BDP1: variants seen among roughly 807,000 people sequenced by gnomAD.
BDP1 encodes the protein transcription factor TFIIIB component B'' homolog.
Under a neutral mutation model 266.6 loss-of-function variants are expected in BDP1, and 169 were observed. The ratio of observed to expected loss-of-function variants is 0.63; its 90% confidence interval spans 0.56 to 0.72. The LOEUF (loss-of-function observed/expected upper bound fraction) is 0.72. Ranked by LOEUF, BDP1 falls within the 30% of genes least tolerant of loss-of-function variation. The pLI, the probability that BDP1 is intolerant of heterozygous loss-of-function variation, is 0.00. For missense variants in BDP1, 3,015 were observed against 3,053.8 expected (o/e 0.99, Z 0.30); for synonymous variants, 1,090 against 1,022.4 (o/e 1.07, Z -1.26).
intron 8 of BDP1, among the ~76,000 whole-genome samples, chr5:71,485,024 A>C (rs1763178737): frequency 6.6e-6 from 1 of 152,238 alleles, no homozygotes; most frequent in African/African-American, 2.4e-5. Context: ...ATTCCATATT[A>C]GAGAAGTGGT....
At chr5:71,463,285 A>C (rs1328917637) in intron 3 of BDP1, among the ~76,000 whole-genome samples, 2 of 152,152 alleles carry the variant, frequency 1.3e-5, no homozygotes, top group African/African-American at 4.8e-5. Flanking sequence ...GGGGTTTCTG[A>C]GGCAGGTTTA....
downstream of BDP1, among the ~76,000 whole-genome samples, chr5:71,570,437 C>T (rs923876240): frequency 2.0e-5 from 3 of 152,152 alleles, no homozygotes; most frequent in Admixed American, 1.3e-4. Flanking sequence ...TTTATTTAGT[C>T]TGGAAACTGG....
Position 71,497,431 on chromosome 5 carries a change from G to A in BDP1, c.1956+5G>A, listed in dbSNP as rs1365503710. ...TCAAAAACTTCAGTTGAAAAGGTAT[G>A]GGGTAAGAGATTTCATGGAAATTAA... is the stretch of plus-strand genomic sequence containing the variant. On this transcript the variant is annotated splice_donor_5th_base_variant and intron_variant, in intron 13 of 38. Coordinates refer to ENST00000358731, the MANE Select transcript of BDP1 (RefSeq NM_018429.3). The A allele has an allele frequency of 1.9e-6, 3 of 1,577,424 alleles. No individual in the cohort carries two copies. Among genetic ancestry groups the A allele is most frequent in the Non-Finnish European group, 1.7e-6 (2 of 1,166,410 alleles).
chr5:71,479,483 A>C (rs1358931359), intron 7 of BDP1, among the ~76,000 whole-genome samples: 1 of 151,972 alleles, frequency 6.6e-6, no homozygotes, highest in Non-Finnish European at 1.5e-5. Context: ...TATCTAGATC[A>C]TATTGGAATC....
chr5:71,459,476 C>T (rs1761410952), intron 2 of BDP1, among the ~76,000 whole-genome samples: 1 of 152,202 alleles, frequency 6.6e-6, no homozygotes, highest in Non-Finnish European at 1.5e-5. Flanking sequence ...TGTGCCTCTG[C>T]ATTCCAGCCT....
chr5:71,493,506 A>G (rs1763713742), intron 11 of BDP1, among the ~76,000 whole-genome samples: 1 of 152,150 alleles, frequency 6.6e-6, no homozygotes, highest in African/African-American at 2.4e-5. Flanking sequence ...GCACCTCAGC[A>G]TGAGCCACTG....
intron 1 of BDP1, among the ~76,000 whole-genome samples, chr5:71,458,080 C>G (rs1021890122): frequency 2.0e-5 from 3 of 152,180 alleles, no homozygotes; most frequent in Non-Finnish European, 4.4e-5. Context: ...TCTTCAAATA[C>G]TGCAATACAG....
At chr5:71,525,674 G>A (rs1765808058) in intron 25 of BDP1, among the ~76,000 whole-genome samples, 1 of 107,578 alleles carries the variant, frequency 9.3e-6, no homozygotes, top group African/African-American at 3.2e-5. Flanking sequence ...GGGGTGGCTG[G>A]CCGGGCGGGG....
At chr5:71,491,482 CTGTGTG>C (rs371887517) in intron 11 of BDP1, among the ~76,000 whole-genome samples, 10 of 151,104 alleles carry the variant, frequency 6.6e-5, no homozygotes, top group South Asian at 6.3e-4. Flanking sequence ...ATGTGTCTTG[CTGTGTG>C]TGTGTGTGTT....
At position 71,545,198 on chromosome 5, in the gene BDP1, G is replaced by C; in HGVS notation, c.6723G>C (p.Val2241=). The change falls in exon 32 of 39, where the codon GTG becomes GTC. Residue 2241 remains valine (V), a synonymous_variant. Transcript: ENST00000358731. ...TAAAGGACTCTAAAGGAGACAGTGT[G>C]CTTACACTTCCTGTGCCAGAGGTAA... The part of the protein sequence containing the change: ...PQIKDSKGDS[V]LTLPVPEYTP... 1 of 1,613,358 alleles carries C rather than the reference G, an allele frequency of 6.2e-7. No individual in the cohort carries two copies. The highest frequency in any genetic ancestry group is 8.5e-7 in the Non-Finnish European group (1 of 1,179,904).
rs760872473 is a variant in BDP1 at position 71,510,354 on chromosome 5, G to A, written c.3262G>A (p.Glu1088Lys). 1.2e-6 allele frequency: 2 copies of A among 1,613,994 alleles called. No homozygotes were observed. Among genetic ancestry groups the A allele is most frequent in the African/African-American group, 2.7e-5 (2 of 75,004 alleles). The change falls in exon 17 of 39, where the codon GAG becomes AAG. Residue 1088 changes from glutamate to lysine, a missense_variant. By Grantham distance (56) the Glu-to-Lys change is moderately conservative. This residue lies in a region of BDP1 where 2,383 missense variants were observed against 2,404.9 expected (regional missense o/e 0.99). Transcript: ENST00000358731. ...PEVIDAIEEI[E>K]IDLEETEREI... ...GGTGATTGATGCCATTGAGGAAATA[G>A]AGATAGATTTGGAAGAAACTGAAAG...
chr5:71,538,275 G>T (rs1766757112), intron 26 of BDP1, among the ~76,000 whole-genome samples: 3 of 152,090 alleles, frequency 2.0e-5, no homozygotes, highest in African/African-American at 4.8e-5. Flanking sequence ...TACTTTTCTT[G>T]TGATGTCAGG....
intron 26 of BDP1, among the ~76,000 whole-genome samples, chr5:71,537,190 T>C (rs1580171373): frequency 1.0e-5 from 1 of 95,958 alleles, no homozygotes; most frequent in Admixed American, 9.7e-5. Flanking sequence ...AACCAAACCA[T>C]GGGAATAAAA....
rs755681232 is a variant in BDP1 at position 71,516,109 on chromosome 5, C to T, written c.4698C>T (p.Ile1566=). ...AGCAAGAAATGAAGGAAAGTGTTAT[C>T]CAAACTGCTCGACAAGTAAGGGGCC... ...TFQQEMKESV[I]QTARQVRGRL... The change falls in exon 21 of 39, where the codon ATC becomes ATT. Residue 1566 remains isoleucine (I), a synonymous_variant. Coordinates refer to ENST00000358731, the MANE Select transcript of BDP1 (RefSeq NM_018429.3). 4 of 1,611,462 alleles carry T rather than the reference C, an allele frequency of 2.5e-6. No homozygotes were observed. In the East Asian group the frequency reaches 6.7e-5, roughly 27 times the overall value.
chr5:71,558,532 C>CA (rs1415550340), intron 36 of BDP1, among the ~76,000 whole-genome samples: 2 of 148,582 alleles, frequency 1.3e-5, no homozygotes, highest in African/African-American at 5.0e-5. Context: ...AAAAAACAAA[C>CA]AAAAAATACT....
chr5:71,562,523 A>G lies in BDP1; in HGVS notation c.7743+3A>G. 2 of 1,613,058 alleles carry G rather than the reference A, an allele frequency of 1.2e-6. No individual in the cohort carries two copies. The highest frequency in any genetic ancestry group is 8.5e-7 in the Non-Finnish European group (1 of 1,179,526). ...ATATTAGCAGCTCAGCAACTCAGGT[A>G]TGTGATAACTACTGTATTTTATAGT... On this transcript the variant is annotated splice_donor_region_variant and intron_variant, in intron 38 of 38. Coordinates refer to ENST00000358731, the MANE Select transcript of BDP1 (RefSeq NM_018429.3).
intron 19 of BDP1, among the ~76,000 whole-genome samples, chr5:71,513,709 GTTTTTTATT>G (rs933174739): frequency 6.6e-6 from 1 of 151,952 alleles, no homozygotes; most frequent in Non-Finnish European, 1.5e-5. Flanking sequence ...GACAATAATA[GTTTTTTATT>G]TTTTTTATTT....
chr5:71,536,787 C>T (rs1042531658), intron 26 of BDP1, among the ~76,000 whole-genome samples: 6 of 151,968 alleles, frequency 3.9e-5, no homozygotes, highest in Non-Finnish European at 8.8e-5. Context: ...CTGTCATCGC[C>T]GTCACTGCAC....
At chr5:71,470,314 T>G in intron 6 of BDP1, 81 bp from the exon 7 acceptor site, 1 of 1,022,882 alleles carries the variant, frequency 9.8e-7, no homozygotes, top group Non-Finnish European at 1.5e-6. Flanking sequence ...AATTAAGTAC[T>G]GTCAAATTCT....
Sources: allele counts gnomAD v4.1 joint callset (sites outside exome capture counted in the v4.1 genomes callset), GRCh38; gene constraint gnomAD v4.1.1; regional missense constraint gnomAD v4.1.1; transcripts MANE v1.5; gene names NCBI Gene and HGNC (gene_info 2026-07-23, HGNC 2026-07-21).